The following LGSN variants were observed in gnomAD, a reference collection of about 807,000 sequenced individuals.
LGSN encodes the protein lengsin, lens protein with glutamine synthetase domain.
In LGSN, 21 loss-of-function variants were observed where a neutral mutation model predicts 19.5. That is an observed-to-expected ratio of 1.07 (90% CI 0.76 to 1.55). The LOEUF is 1.55. Ranked by LOEUF, LGSN falls within the 40% of genes most tolerant of loss-of-function variation. The probability of loss-of-function intolerance (pLI) is 0.00; values close to 1 mark genes in which losing one functional copy is unlikely to be tolerated. For missense variants in LGSN, 673 were observed against 608.5 expected (o/e 1.11, Z -1.12); for synonymous variants, 257 against 215.6 (o/e 1.19, Z -1.68).
At chr6:63,568,806 C>A in the LGSN span, among the ~76,000 whole-genome samples, 1 of 152,114 alleles carries the variant, frequency 6.6e-6, no homozygotes, top group Non-Finnish European at 1.5e-5. Flanking sequence ...TTTAACAATG[C>A]TGACAGCAGC....
the LGSN span, among the ~76,000 whole-genome samples, chr6:63,451,564 A>G: frequency 6.6e-6 from 1 of 151,822 alleles, no homozygotes; most frequent in Admixed American, 6.6e-5. Context: ...ACATGGAAAC[A>G]CAGAGGGGAA....
At chr6:63,414,201 A>C in the LGSN span, among the ~76,000 whole-genome samples, 1 of 152,158 alleles carries the variant, frequency 6.6e-6, no homozygotes, top group Non-Finnish European at 1.5e-5. Context: ...TGCTGGGTAT[A>C]AACTATGTGG....
chr6:63,368,669 C>T, the LGSN span, among the ~76,000 whole-genome samples: 3 of 152,202 alleles, frequency 2.0e-5, no homozygotes, highest in Non-Finnish European at 4.4e-5. Flanking sequence ...AAACATCTAT[C>T]AGCCTCTAAT....
the LGSN span, among the ~76,000 whole-genome samples, chr6:63,524,713 A>C: frequency 1.3e-5 from 2 of 152,174 alleles, no homozygotes; most frequent in African/African-American, 4.8e-5. Context: ...TTTTCTTTTG[A>C]CTGACAAGAA....
chr6:63,311,383 C>G (rs969621596), intron 1 of LGSN, among the ~76,000 whole-genome samples: 5 of 152,184 alleles, frequency 3.3e-5, no homozygotes, highest in African/African-American at 1.2e-4. Flanking sequence ...CGTCTTCAAT[C>G]AAGGCATGAA....
the LGSN span, among the ~76,000 whole-genome samples, chr6:63,542,856 A>G: frequency 9.1e-4 from 139 of 152,160 alleles, no homozygotes; most frequent in Non-Finnish European, 1.7e-3. Context: ...TACCTGATTC[A>G]TCCAAGCCAT....
the LGSN span, among the ~76,000 whole-genome samples, chr6:63,451,590 C>A: frequency 6.6e-6 from 1 of 151,756 alleles, no homozygotes. Flanking sequence ...CAAACTGGGG[C>A]CTATTAGAGG....
chr6:63,412,438 G>GA, the LGSN span, among the ~76,000 whole-genome samples: 1 of 128,934 alleles, frequency 7.8e-6, no homozygotes, highest in African/African-American at 3.4e-5. Context: ...AAGAAAGAAA[G>GA]AAAGCAAGAA....
chr6:63,412,466 A>G, the LGSN span, among the ~76,000 whole-genome samples: 453 of 123,890 alleles, frequency 3.7e-3, 6 homozygotes, highest in African/African-American at 0.014. Context: ...AAGAAAGAAA[A>G]AGAGAGAGAA....
the LGSN span, chr6:63,549,459 A>T: frequency 1.3e-6 from 1 of 792,826 alleles, no homozygotes; most frequent in East Asian, 2.5e-5. Flanking sequence ...TCTTCACGAC[A>T]GCAGGGCCGG....
At chr6:63,305,501 A>T (rs1268084939) in intron 1 of LGSN, among the ~76,000 whole-genome samples, 1 of 152,206 alleles carries the variant, frequency 6.6e-6, no homozygotes, top group Non-Finnish European at 1.5e-5. Context: ...ACCAATTAGA[A>T]TTTCAGATGC....
At chr6:63,281,988 T>C (rs930563896) in intron 3 of LGSN, among the ~76,000 whole-genome samples, 2 of 152,230 alleles carry the variant, frequency 1.3e-5, no homozygotes, top group Non-Finnish European at 2.9e-5. Flanking sequence ...CTTTGGTGAA[T>C]TTCGGCAAGT....
chr6:63,507,682 C>T, the LGSN span, among the ~76,000 whole-genome samples: 4 of 152,142 alleles, frequency 2.6e-5, no homozygotes, highest in African/African-American at 9.7e-5. Flanking sequence ...GATTCTTCAT[C>T]CTTTCTGCCA....
At chr6:63,409,982 A>G in the LGSN span, among the ~76,000 whole-genome samples, 1 of 152,192 alleles carries the variant, frequency 6.6e-6, no homozygotes, top group Non-Finnish European at 1.5e-5. Flanking sequence ...GGTTGCAGTG[A>G]GCCAAGATAG....
chr6:63,487,536 C>G, the LGSN span, among the ~76,000 whole-genome samples: 4 of 152,346 alleles, frequency 2.6e-5, no homozygotes, highest in East Asian at 7.7e-4. Flanking sequence ...AACTCAAAAG[C>G]TAACCTGAAT....
intron 1 of LGSN, among the ~76,000 whole-genome samples, chr6:63,313,894 G>A (rs193169536): frequency 0.029 from 4,403 of 149,418 alleles, 218 homozygotes; most frequent in African/African-American, 0.1. Context: ...ATACATACAT[G>A]CATACATACA....
At chr6:63,390,628 G>A in the LGSN span, among the ~76,000 whole-genome samples, 15 of 151,372 alleles carry the variant, frequency 9.9e-5, no homozygotes, top group East Asian at 1.4e-3. Flanking sequence ...AGGCCGAGGC[G>A]GGCGGATCAC....
chr6:63,309,327 G>A (rs1768534260), intron 1 of LGSN, among the ~76,000 whole-genome samples: 1 of 152,142 alleles, frequency 6.6e-6, no homozygotes, highest in Admixed American at 6.5e-5. Context: ...AGCTACTCCA[G>A]AGGCTGAAGC....
chr6:63,434,395 G>A, the LGSN span, among the ~76,000 whole-genome samples: 551 of 145,046 alleles, frequency 3.8e-3, 7 homozygotes, highest in African/African-American at 0.013. Context: ...AGCCGAGATC[G>A]CACCACTGCA....
Sources: gnomAD v4.1 joint callset for allele counts (sites outside exome capture counted in the v4.1 genomes callset) on GRCh38, gnomAD v4.1.1 for gene constraint, MANE v1.5 for transcripts, NCBI Gene and HGNC (gene_info 2026-07-23, HGNC 2026-07-21) for gene names.